NTM: variants seen among roughly 807,000 people sequenced by gnomAD.
NTM encodes the protein IgLON family member 2.
NTM carries 13 observed loss-of-function variants against 42.1 expected under a neutral mutation model. The ratio of observed to expected loss-of-function variants is 0.31; its 90% confidence interval spans 0.20 to 0.49. NTM has a LOEUF of 0.49. NTM is among the 20% of genes least tolerant of loss of function. The pLI, the probability that NTM is intolerant of heterozygous loss-of-function variation, is 0.99. For missense variants in NTM, 373 were observed against 452.8 expected (o/e 0.82, Z 1.60); for synonymous variants, 187 against 179.2 (o/e 1.04, Z -0.35).
At chr11:131,962,032 G>T (rs190387201) in intron 2 of NTM, among the ~76,000 whole-genome samples, 8 of 152,194 alleles carry the variant, frequency 5.3e-5, no homozygotes, top group Admixed American at 4.6e-4. Flanking sequence ...GGCGTTTGTT[G>T]TGTCATCTCT....
chr11:131,409,664 G>A (rs1308956694), intron 1 of NTM, among the ~76,000 whole-genome samples: 1 of 152,174 alleles, frequency 6.6e-6, no homozygotes, highest in African/African-American at 2.4e-5. Flanking sequence ...GAGCCATAAA[G>A]GAAATATTGT....
chr11:131,416,485 G>T (rs896723185), intron 1 of NTM, among the ~76,000 whole-genome samples: 2 of 152,166 alleles, frequency 1.3e-5, no homozygotes, highest in Non-Finnish European at 2.9e-5. Context: ...ACCATAGCCT[G>T]TCTGCCACCT....
At chr11:132,239,334 G>T (rs1038711271) in intron 4 of NTM, among the ~76,000 whole-genome samples, 14 of 152,142 alleles carry the variant, frequency 9.2e-5, no homozygotes, top group Non-Finnish European at 1.9e-4. Flanking sequence ...TCCTGATGTT[G>T]AAAACCTTTT....
chr11:132,169,221 G>A (rs1414291048), intron 3 of NTM, among the ~76,000 whole-genome samples: 1 of 151,110 alleles, frequency 6.6e-6, no homozygotes, highest in Non-Finnish European at 1.5e-5. Flanking sequence ...TCCATTATAG[G>A]ATGGAGCCAT....
chr11:131,552,538 G>T (rs1029718295), intron 1 of NTM, among the ~76,000 whole-genome samples: 3 of 141,652 alleles, frequency 2.1e-5, no homozygotes, highest in African/African-American at 5.3e-5. Context: ...TCAAGAGGCC[G>T]AGCGCGGTGG....
intron 1 of NTM, among the ~76,000 whole-genome samples, chr11:131,618,025 G>T (rs1350193963): frequency 1.3e-5 from 2 of 152,202 alleles, no homozygotes; most frequent in East Asian, 3.9e-4. Flanking sequence ...ATGAGAGCCA[G>T]GCAGAGAAAT....
chr11:132,143,621 A>G (rs893139504), intron 2 of NTM, among the ~76,000 whole-genome samples: 1 of 152,224 alleles, frequency 6.6e-6, no homozygotes, highest in South Asian at 2.1e-4. Flanking sequence ...GGGCTCATGT[A>G]GTCAATTAAC....
chr11:131,637,594 A>T (rs1001564639), intron 1 of NTM, among the ~76,000 whole-genome samples: 2 of 151,546 alleles, frequency 1.3e-5, no homozygotes, highest in Admixed American at 6.6e-5. Context: ...AAGGCTGATA[A>T]GTGGCAACTA....
At chr11:131,479,706 T>G (rs1953343655) in intron 1 of NTM, among the ~76,000 whole-genome samples, 1 of 152,090 alleles carries the variant, frequency 6.6e-6, no homozygotes, top group African/African-American at 2.4e-5. Context: ...GAGGAAATGA[T>G]CTGGGGCTGT....
chr11:131,410,517 C>CAAAAAAAA (rs1161389222), intron 1 of NTM, among the ~76,000 whole-genome samples: 7 of 32,756 alleles, frequency 2.1e-4, no homozygotes, highest in Non-Finnish European at 3.0e-4. Context: ...AAACAATAAC[C>CAAAAAAAA]AAAAAAAAAA....
At chr11:131,579,193 A>G (rs2058181502) in intron 1 of NTM, among the ~76,000 whole-genome samples, 1 of 152,214 alleles carries the variant, frequency 6.6e-6, no homozygotes, top group South Asian at 2.1e-4. Context: ...GCAATGGGAA[A>G]CAGAGGCTGG....
chr11:132,051,322 G>A (rs1213622444), intron 2 of NTM, among the ~76,000 whole-genome samples: 3 of 152,126 alleles, frequency 2.0e-5, no homozygotes. Context: ...TTATAAATGA[G>A]AAAACTGAGG....
chr11:131,817,700 G>T (rs1178569447), intron 1 of NTM, among the ~76,000 whole-genome samples: 1 of 152,216 alleles, frequency 6.6e-6, no homozygotes, highest in Non-Finnish European at 1.5e-5. Context: ...GGTTCCCTCT[G>T]CTCCACCTCC....
chr11:131,861,704 T>C (rs1355153707), intron 1 of NTM, among the ~76,000 whole-genome samples: 1 of 152,038 alleles, frequency 6.6e-6, no homozygotes, highest in African/African-American at 2.4e-5. Context: ...AGGTTTCTGA[T>C]ATTTCACTAA....
At chr11:131,594,017 ATT>A (rs1205348313) in intron 1 of NTM, among the ~76,000 whole-genome samples, 2 of 152,214 alleles carry the variant, frequency 1.3e-5, no homozygotes, top group Non-Finnish European at 2.9e-5. Flanking sequence ...AGATTGCTAA[ATT>A]CTGTGCACCA....
chr11:132,076,193 C>T (rs1225710707), intron 2 of NTM, among the ~76,000 whole-genome samples: 2 of 152,026 alleles, frequency 1.3e-5, no homozygotes, highest in African/African-American at 4.8e-5. Flanking sequence ...TCTTGTGAAC[C>T]AGGGGTCAGC....
intron 1 of NTM, among the ~76,000 whole-genome samples, chr11:131,689,732 C>T (rs577000009): frequency 4.6e-5 from 7 of 152,268 alleles, no homozygotes; most frequent in South Asian, 2.1e-4. Flanking sequence ...CCTCCCATAC[C>T]GCAGGCTTGG....
chr11:131,413,426 C>T (rs58115443), intron 1 of NTM, among the ~76,000 whole-genome samples: 4 of 152,118 alleles, frequency 2.6e-5, no homozygotes, highest in South Asian at 2.1e-4. Context: ...GTACAAGTTG[C>T]GAACAGTGCT....
intron 1 of NTM, among the ~76,000 whole-genome samples, chr11:131,612,789 C>T (rs1174042178): frequency 6.6e-6 from 1 of 152,214 alleles, no homozygotes; most frequent in Non-Finnish European, 1.5e-5. Context: ...TGCAGGGCCC[C>T]ACTAAGAGCA....
Sources: gnomAD v4.1 joint callset for allele counts (sites outside exome capture counted in the v4.1 genomes callset) on GRCh38, gnomAD v4.1.1 for gene constraint, MANE v1.5 for transcripts, NCBI Gene and HGNC (gene_info 2026-07-23, HGNC 2026-07-21) for gene names.